The following PLXNC1 variants were observed in gnomAD, a reference collection of about 807,000 sequenced individuals.
PLXNC1 encodes plexin-C1.
Under a neutral mutation model 178.2 loss-of-function variants are expected in PLXNC1, and 75 were observed. That is an observed-to-expected ratio of 0.42 (90% CI 0.35 to 0.51). The LOEUF is 0.51. Among genes scored for constraint, PLXNC1 ranks in the 20% least tolerant of loss-of-function variants. PLXNC1 has a pLI of 0.02. For missense variants in PLXNC1, 1,503 were observed against 1,984.4 expected, an observed-to-expected ratio of 0.76 and a Z score of 4.61; for synonymous variants, 790 against 779.9, an observed-to-expected ratio of 1.01 and a Z score of -0.22.
intron 2 of PLXNC1, among the ~76,000 whole-genome samples, chr12:94,170,986 A>G (rs955158283): frequency 5.3e-5 from 8 of 152,160 alleles, no homozygotes; most frequent in Non-Finnish European, 7.3e-5. Context: ...CTCCTCACCA[A>G]TTATCTCTTC....
intron 21 of PLXNC1, 92 bp downstream of exon 21, chr12:94,265,317 C>A: frequency 8.6e-7 from 1 of 1,167,038 alleles, no homozygotes; most frequent in Non-Finnish European, 1.2e-6. Context: ...GAAACGGTAT[C>A]ATCTCTACTG....
chr12:94,152,590 G>C (rs762203978), intron 1 of PLXNC1, among the ~76,000 whole-genome samples: 76 of 152,222 alleles, frequency 5.0e-4, no homozygotes, highest in Non-Finnish European at 2.2e-4. Context: ...TAAAACAGGA[G>C]CAGGACTTGA....
chr12:94,254,176 T>C (rs1025471027), intron 15 of PLXNC1, among the ~76,000 whole-genome samples: 4 of 152,210 alleles, frequency 2.6e-5, no homozygotes, highest in Non-Finnish European at 5.9e-5. Flanking sequence ...CCAGGTCACA[T>C]AGCTAGTAAA....
chr12:94,261,977 G>A (rs1046387664), intron 20 of PLXNC1, among the ~76,000 whole-genome samples: 3 of 151,968 alleles, frequency 2.0e-5, no homozygotes, highest in South Asian at 2.1e-4. Context: ...ATAAATCATC[G>A]GAGGCTTTGG....
chr12:94,156,935 A>G (rs1961196609), intron 1 of PLXNC1, among the ~76,000 whole-genome samples: 2 of 152,122 alleles, frequency 1.3e-5, no homozygotes, highest in Admixed American at 6.5e-5. Context: ...TGCTGGTCTC[A>G]ATCTCCTGAG....
intron 4 of PLXNC1, among the ~76,000 whole-genome samples, chr12:94,197,566 A>T (rs1962965029): frequency 6.6e-6 from 1 of 152,174 alleles, no homozygotes; most frequent in South Asian, 2.1e-4. Flanking sequence ...CAGTCTCTAG[A>T]ACTGTAAAAA....
Position 94,306,146 on chromosome 12 carries a change from A to T in PLXNC1, c.*861A>T, listed in dbSNP as rs1359166167. ...GATCAGAACGATCTGTGGAAGAGTA[A>T]CTCCATTTCTATATGAGTGAGTGTC... On this transcript the variant is annotated 3_prime_UTR_variant, in exon 31 of 31. Coordinates refer to ENST00000258526, the MANE Select transcript of PLXNC1 (RefSeq NM_005761.3). The T allele has an allele frequency of 6.6e-6, 1 of 151,986 alleles. No individual in the cohort carries two copies. Among genetic ancestry groups the T allele is most frequent in the Non-Finnish European group, 1.5e-5 (1 of 67,994 alleles). 9.4% of individuals were successfully genotyped at this position (151,986 alleles called of 1,614,324 possible).
In PLXNC1 at chr12:94,275,590, A is replaced by G. The variant is rs1965873776; in HGVS notation, c.3598-3882A>G. 2.3e-5 allele frequency among the ~76,000 whole-genome samples: 2 copies of G among 86,118 alleles called. 1 individual carries two copies. Among genetic ancestry groups the G allele is most frequent in the Admixed American group, 2.6e-4 (2 of 7,640 alleles). 56.5% of individuals were successfully genotyped at this position (86,118 alleles called of 152,430 possible). A position where few individuals can be genotyped will look rare whatever the true frequency, so the allele number is the denominator to read the frequency against. On this transcript the variant is annotated intron_variant, in intron 21 of 30. Transcript: ENST00000258526. ...GCTGTTTGGCCGGGCGCGGTGGCTCACGCCTGTAATCCCAGCACTTTGGGA... is the reference window on the plus strand; with the variant it reads ...GCTGTTTGGCCGGGCGCGGTGGCTCGCGCCTGTAATCCCAGCACTTTGGGA...
At chr12:94,227,527 A>C (rs963588225) in intron 9 of PLXNC1, 1 of 269,214 alleles carries the variant, frequency 3.7e-6, no homozygotes. Flanking sequence ...AGCTGGAAGG[A>C]AGTTTAGCAT....
intron 1 of PLXNC1, among the ~76,000 whole-genome samples, chr12:94,158,467 T>C (rs1485529280): frequency 6.6e-6 from 1 of 152,138 alleles, no homozygotes; most frequent in Non-Finnish European, 1.5e-5. Flanking sequence ...AAATAAATTA[T>C]CAATCGGAAG....
intron 17 of PLXNC1, chr12:94,255,794 C>CATGTTTTCATGGCGG (rs1964821056): frequency 6.2e-6 from 1 of 161,302 alleles, no homozygotes; most frequent in Non-Finnish European, 1.4e-5. Context: ...CATTTTTAGC[C>CATGTTTTCATGGCGG]ATGTAGAGTT....
At chr12:94,195,480 G>T (rs1021868843) in intron 4 of PLXNC1, among the ~76,000 whole-genome samples, 2 of 152,134 alleles carry the variant, frequency 1.3e-5, no homozygotes, top group African/African-American at 4.8e-5. Flanking sequence ...CAGAAAATGG[G>T]CCCTACAGGA....
intron 9 of PLXNC1, chr12:94,227,465 T>C: frequency 2.7e-6 from 1 of 372,170 alleles, no homozygotes; most frequent in Non-Finnish European, 4.9e-6. Context: ...AAAATGATGT[T>C]GCTCTGGTCG....
At chr12:94,154,882 C>A (rs1227359237) in intron 1 of PLXNC1, among the ~76,000 whole-genome samples, 1 of 152,190 alleles carries the variant, frequency 6.6e-6, no homozygotes, top group African/African-American at 2.4e-5. Flanking sequence ...GCATAGTACC[C>A]AGTATGTAGT....
intron 14 of PLXNC1, among the ~76,000 whole-genome samples, chr12:94,251,058 T>C (rs1964671094): frequency 6.6e-6 from 1 of 151,578 alleles, no homozygotes. Flanking sequence ...GTAAAAATGA[T>C]AAAAATTGAG....
At chr12:94,253,211 GAAAAAAA>G (rs35584186) in intron 15 of PLXNC1, among the ~76,000 whole-genome samples, 7 of 42,018 alleles carry the variant, frequency 1.7e-4, no homozygotes, top group Non-Finnish European at 3.8e-4. Flanking sequence ...CTCCGTCTCA[GAAAAAAA>G]AAAAAAAAAA....
chr12:94,268,795 G>C (rs1056141379), intron 21 of PLXNC1, among the ~76,000 whole-genome samples: 1 of 151,794 alleles, frequency 6.6e-6, no homozygotes, highest in African/African-American at 2.4e-5. Flanking sequence ...GGTTTTCGCC[G>C]TGTTGGCTAG....
chr12:94,244,111 T>G, intron 12 of PLXNC1, 86 bp downstream of exon 12: 1 of 712,532 alleles, frequency 1.4e-6, no homozygotes, highest in South Asian at 2.1e-5. Context: ...GGGTATTTTT[T>G]GTTTCTGTGA....
chr12:94,190,422 G>A (rs1036682339), intron 4 of PLXNC1, among the ~76,000 whole-genome samples: 1 of 151,908 alleles, frequency 6.6e-6, no homozygotes, highest in Non-Finnish European at 1.5e-5. Flanking sequence ...TTTGTATTTT[G>A]TAGAGACGGG....
Sources: gnomAD v4.1 joint callset for allele counts (sites outside exome capture counted in the v4.1 genomes callset) on GRCh38, gnomAD v4.1.1 for gene constraint, MANE v1.5 for transcripts, NCBI Gene and HGNC (gene_info 2026-07-23, HGNC 2026-07-21) for gene names.